ARFGEF2: variants seen among roughly 807,000 people sequenced by gnomAD.
ARFGEF2 encodes the protein brefeldin A-inhibited guanine nucleotide-exchange protein 2.
In ARFGEF2, 74 loss-of-function variants were observed where a neutral mutation model predicts 219.9. That is an observed-to-expected ratio of 0.34 (90% CI 0.28 to 0.41). The LOEUF is 0.41. Among genes scored for constraint, ARFGEF2 ranks in the 10% least tolerant of loss-of-function variants. The pLI is 1.00. For missense variants in ARFGEF2, 1,743 were observed against 2,218.3 expected, an observed-to-expected ratio of 0.79 and a Z score of 4.30; for synonymous variants, 733 against 799.2, an observed-to-expected ratio of 0.92 and a Z score of 1.40.
At position 49,036,093 on chromosome 20, in the gene ARFGEF2, G is replaced by A; in HGVS notation, c.*2894G>A. On this transcript the variant is annotated 3_prime_UTR_variant, in exon 39 of 39. Coordinates refer to ENST00000371917, the MANE Select transcript of ARFGEF2 (RefSeq NM_006420.3). ...AAGGAACCTGCTGATAAGTACAAGTGTGACCATCTCATTCAAATGTTTGTT... is the reference window on the plus strand; with the variant it reads ...AAGGAACCTGCTGATAAGTACAAGTATGACCATCTCATTCAAATGTTTGTT... The A allele has an allele frequency of 2.5e-6, 1 of 398,058 alleles. No homozygotes were observed. Among genetic ancestry groups the A allele is most frequent in the Non-Finnish European group, 4.4e-6 (1 of 225,842 alleles). The allele number at this position is 398,058 out of a possible 1,614,324, so 24.7% of individuals were successfully genotyped here. A position where few individuals can be genotyped will look rare whatever the true frequency, so the allele number is the denominator to read the frequency against.
At chr20:49,018,021 A>G (rs1312818816) in intron 33 of ARFGEF2, among the ~76,000 whole-genome samples, 1 of 152,184 alleles carries the variant, frequency 6.6e-6, no homozygotes, top group East Asian at 1.9e-4. Flanking sequence ...CTAAATTAAT[A>G]GTGCTTTCCT....
chr20:49,004,029 A>G (rs1377477828), intron 25 of ARFGEF2, among the ~76,000 whole-genome samples: 1 of 152,102 alleles, frequency 6.6e-6, no homozygotes, highest in African/African-American at 2.4e-5. Context: ...GCACCTTGGG[A>G]GATGTTGTTT....
At chr20:48,959,388 A>G (rs1173386112) in intron 6 of ARFGEF2, among the ~76,000 whole-genome samples, 1 of 110,242 alleles carries the variant, frequency 9.1e-6, no homozygotes, top group Non-Finnish European at 1.9e-5. Context: ...ATGATAAGTG[A>G]ACCCTTCCTT....
At chr20:48,948,702 G>T (rs1042359707) in intron 3 of ARFGEF2, among the ~76,000 whole-genome samples, 2 of 152,134 alleles carry the variant, frequency 1.3e-5, no homozygotes, top group Admixed American at 6.5e-5. Context: ...TCCTATAAAG[G>T]CCTGTTATAG....
intron 23 of ARFGEF2, among the ~76,000 whole-genome samples, chr20:48,996,756 A>G (rs1191353945): frequency 6.6e-6 from 1 of 150,936 alleles, no homozygotes; most frequent in African/African-American, 2.4e-5. Flanking sequence ...AAAAAAAAAA[A>G]AAAGCCTACC....
chr20:48,941,940 C>A lies in ARFGEF2; in HGVS notation c.229C>A (p.Gln77Lys). ...KYFLPFELAC[Q>K]SKSPRVVSTS... Reference sequence around the variant, plus strand: ...TTTTCTTCCATTCGAGCTAGCTTGCCAGTCCAAGTCCCCAAGGGTAGTCAG... The same window carrying A: ...TTTTCTTCCATTCGAGCTAGCTTGCAAGTCCAAGTCCCCAAGGGTAGTCAG... Residue 77 changes from glutamine (Q) to lysine (K), a missense_variant, in exon 3 of 39, where the codon CAG becomes AAG. Physicochemically the swap from Gln to Lys is moderately conservative, Grantham distance 53. This residue lies in a region of ARFGEF2 where 394 missense variants were observed against 426.6 expected (regional missense o/e 0.92). Coordinates refer to ENST00000371917, the MANE Select transcript of ARFGEF2 (RefSeq NM_006420.3). 1 of 1,614,164 alleles carries A rather than the reference C, an allele frequency of 6.2e-7. No individual in the cohort carries two copies. The highest frequency in any genetic ancestry group is 8.5e-7 in the Non-Finnish European group (1 of 1,180,034).
chr20:49,006,646 A>C (rs574364193), intron 26 of ARFGEF2, among the ~76,000 whole-genome samples: 2 of 152,218 alleles, frequency 1.3e-5, no homozygotes, highest in Admixed American at 6.5e-5. Flanking sequence ...GAGTGGCCAT[A>C]TGCTGCCTTG....
chr20:48,995,903 T>C, intron 23 of ARFGEF2, 21 bp downstream of exon 23: 1 of 1,608,002 alleles, frequency 6.2e-7, no homozygotes, highest in Non-Finnish European at 8.5e-7. Flanking sequence ...TATTCTTCAG[T>C]GACCCTGAAC....
Position 48,921,777 on chromosome 20 carries a change from C to A in ARFGEF2, c.-113C>A. 1 of 1,100,880 alleles carries A rather than the reference C, an allele frequency of 9.1e-7. No homozygotes were observed. Among genetic ancestry groups the A allele is most frequent in the Non-Finnish European group, 1.1e-6 (1 of 886,756 alleles). The allele number at this position is 1,100,880 out of a possible 1,614,324, so 68.2% of individuals were successfully genotyped here. On this transcript the variant is annotated 5_prime_UTR_variant, in exon 1 of 39. Transcript: ENST00000371917. ...GCCGAGGTGTCGCTTCCTGACGGGG[C>A]GGCGCGGACGGACGCGGCCGGTGCC... is the stretch of plus-strand genomic sequence containing the variant.
rs1568699405 is a variant in ARFGEF2, at chr20:48,950,814, ATATATATATAT to A, written c.277-508_277-498del. On this transcript the variant is annotated intron_variant, in intron 3 of 38. Coordinates refer to ENST00000371917, the MANE Select transcript of ARFGEF2 (RefSeq NM_006420.3). ...CTGTCTAAAAAAAAAAAAAAAAAAT[ATATATATATAT>A]ATATATATATATATATATATATGTA... Among the ~76,000 whole-genome samples the A allele has an allele frequency of 4.0e-3, 201 of 50,860 alleles. 2 individuals carry two copies. The highest frequency in any genetic ancestry group is 0.014 in the Middle Eastern group (1 of 72). 33.4% of individuals were successfully genotyped at this position (50,860 alleles called of 152,430 possible).
At chr20:48,950,811 A>AAAAAAAATAT (rs1176537072) in intron 3 of ARFGEF2, among the ~76,000 whole-genome samples, 3 of 64,512 alleles carry the variant, frequency 4.7e-5, no homozygotes, top group African/African-American at 2.2e-4. Context: ...AAAAAAAAAA[A>AAAAAAAATAT]ATATATATAT....
At chr20:48,930,761 A>G (rs930004239) in intron 1 of ARFGEF2, among the ~76,000 whole-genome samples, 2 of 152,116 alleles carry the variant, frequency 1.3e-5, no homozygotes, top group Admixed American at 1.3e-4. Context: ...GGCTTAAGAT[A>G]GGAATTTGGG....
chr20:48,994,303 T>C, intron 21 of ARFGEF2, 148 bp from the exon 22 acceptor site: 1 of 948,568 alleles, frequency 1.1e-6, no homozygotes, highest in Non-Finnish European at 1.6e-6. Flanking sequence ...TTTTTCTCTC[T>C]TTATTGAGAG....
At position 49,034,367 on chromosome 20, in the gene ARFGEF2, T is replaced by C. The variant is rs563977343; in HGVS notation, c.*1168T>C. 1 of 152,360 alleles carries C rather than the reference T, an allele frequency of 6.6e-6. No homozygotes were observed. The highest frequency in any genetic ancestry group is 2.4e-5 in the African/African-American group (1 of 41,580). 9.4% of individuals were successfully genotyped at this position (152,360 alleles called of 1,614,324 possible). A position where few individuals can be genotyped will look rare whatever the true frequency, so the allele number is the denominator to read the frequency against. On this transcript the variant is annotated 3_prime_UTR_variant, in exon 39 of 39. Transcript: ENST00000371917. ...AGTTGAATTCTTTGGCAAGGTTGGA[T>C]TCTGAGGTCCTTATTATGTTAATGA...
At chr20:48,936,750 C>T (rs1600589992) in intron 1 of ARFGEF2, among the ~76,000 whole-genome samples, 1 of 152,156 alleles carries the variant, frequency 6.6e-6, no homozygotes, top group African/African-American at 2.4e-5. Context: ...TGGTTTTGAA[C>T]TCCCTACCTC....
chr20:48,931,277 A>G (rs145921058), intron 1 of ARFGEF2, among the ~76,000 whole-genome samples: 181 of 152,096 alleles, frequency 1.2e-3, no homozygotes, highest in African/African-American at 4.2e-3. Flanking sequence ...GTCATTGGGG[A>G]GGGAGCCAGT....
At chr20:49,028,766 T>A in intron 37 of ARFGEF2, 98 bp downstream of exon 37, 1 of 1,339,628 alleles carries the variant, frequency 7.5e-7, no homozygotes, top group East Asian at 2.5e-5. Flanking sequence ...AAATACATGC[T>A]GACACTCTGA....
intron 8 of ARFGEF2, among the ~76,000 whole-genome samples, chr20:48,966,729 C>T (rs2091189863): frequency 6.6e-6 from 1 of 152,146 alleles, no homozygotes; most frequent in African/African-American, 2.4e-5. Context: ...TCCAAGAAAA[C>T]TTTGTAGACA....
chr20:48,940,766 G>T (rs73113972), intron 1 of ARFGEF2, among the ~76,000 whole-genome samples: 16,064 of 152,124 alleles, frequency 0.11, 974 homozygotes, highest in Non-Finnish European at 0.13. Flanking sequence ...GACGTTTTTG[G>T]TTTTCAAGAT....
Sources: gnomAD v4.1 joint callset for allele counts (sites outside exome capture counted in the v4.1 genomes callset) on GRCh38, gnomAD v4.1.1 for gene constraint, gnomAD v4.1.1 regional missense constraint, MANE v1.5 for transcripts, NCBI Gene and HGNC (gene_info 2026-07-23, HGNC 2026-07-21) for gene names.